MCPH1: variants seen among roughly 807,000 people sequenced by gnomAD.
MCPH1 encodes microcephalin.
A neutral mutation model predicts 84.5 loss-of-function variants in MCPH1; 104 were observed. The ratio of observed to expected loss-of-function variants is 1.23; its 90% CI spans 1.05 to 1.45. The LOEUF is 1.45. MCPH1 is among the 40% of genes most tolerant of loss of function. The pLI, the probability that MCPH1 is intolerant of heterozygous loss-of-function variation, is 0.00. For missense variants in MCPH1, 1,498 were observed against 1,005.7 expected, an observed-to-expected ratio of 1.49 and a Z score of -6.62; for synonymous variants, 514 against 366.8, an observed-to-expected ratio of 1.40 and a Z score of -4.58.
intron 9 of MCPH1, chr8:6,473,912 T>G: frequency 6.5e-7 from 1 of 1,548,202 alleles, no homozygotes; most frequent in Non-Finnish European, 8.7e-7. Context: ...TTCTAGCTCT[T>G]CTGGTTTATT....
chr8:6,415,399 T>A (rs1029463427), intron 3 of MCPH1, among the ~76,000 whole-genome samples: 1 of 151,940 alleles, frequency 6.6e-6, no homozygotes, highest in Admixed American at 6.6e-5. Flanking sequence ...GTGATTCTTA[T>A]GCCTCAGCCT....
intron 12 of MCPH1, among the ~76,000 whole-genome samples, chr8:6,552,555 GA>G (rs1186006244): frequency 6.6e-6 from 1 of 152,184 alleles, no homozygotes; most frequent in East Asian, 1.9e-4. Context: ...ACTAATGTGA[GA>G]TATAGTATAG....
intron 2 of MCPH1, among the ~76,000 whole-genome samples, chr8:6,410,459 G>A (rs991262681): frequency 6.6e-6 from 1 of 152,154 alleles, no homozygotes; most frequent in East Asian, 1.9e-4. Context: ...TGAGCTATGA[G>A]GAAATGGAGA....
At chr8:6,474,611 A>ATTT (rs1214409263) in intron 9 of MCPH1, among the ~76,000 whole-genome samples, 1 of 152,224 alleles carries the variant, frequency 6.6e-6, no homozygotes, top group Non-Finnish European at 1.5e-5. Flanking sequence ...ACAAATTTAC[A>ATTT]TTTTTTCATA....
intron 12 of MCPH1, among the ~76,000 whole-genome samples, chr8:6,568,628 C>G (rs1049752674): frequency 1.3e-5 from 2 of 152,186 alleles, no homozygotes; most frequent in Non-Finnish European, 2.9e-5. Context: ...TTGAAAAAGC[C>G]CTGCCGAGCT....
chr8:6,504,256 TGCAGTGAGCC>T (rs1812802442), intron 12 of MCPH1, among the ~76,000 whole-genome samples: 1 of 139,390 alleles, frequency 7.2e-6, no homozygotes, highest in South Asian at 2.2e-4. Context: ...AGGCGGAGCT[TGCAGTGAGCC>T]GAGATCGCGC....
chr8:6,610,092 T>C lies in MCPH1; in HGVS notation c.2215-11362T>C, dbSNP rs550180805. Among the ~76,000 whole-genome samples the C allele has an allele frequency of 5.9e-5, 9 of 152,344 alleles. No individual in the cohort carries two copies. The East Asian group carries it at 1.7e-3, about 29-fold the overall frequency. On this transcript the variant is annotated intron_variant, in intron 12 of 13. Transcript: ENST00000344683. ...AGAGCCGTAAGGACCCTCTAAGTCA[T>C]GTTCGCTATTTTTACTGGCCTTGAG...
At chr8:6,536,974 A>G (rs1376076935) in intron 12 of MCPH1, among the ~76,000 whole-genome samples, 73 of 143,220 alleles carry the variant, frequency 5.1e-4, no homozygotes, top group East Asian at 1.2e-3. Flanking sequence ...TAGTACAAGA[A>G]AAAAAAAAAA....
chr8:6,526,843 A>G (rs966445047), intron 12 of MCPH1, among the ~76,000 whole-genome samples: 2 of 152,228 alleles, frequency 1.3e-5, no homozygotes, highest in Non-Finnish European at 2.9e-5. Context: ...TCCCAAGTGG[A>G]ACAGACATAT....
chr8:6,419,240 G>C (rs1585629311), intron 3 of MCPH1, among the ~76,000 whole-genome samples: 1 of 151,302 alleles, frequency 6.6e-6, no homozygotes, highest in Non-Finnish European at 1.5e-5. Flanking sequence ...GTTTTTTGAA[G>C]ACAGGGTCTT....
At chr8:6,486,011 T>C (rs1470116338) in intron 11 of MCPH1, among the ~76,000 whole-genome samples, 1 of 152,144 alleles carries the variant, frequency 6.6e-6, no homozygotes, top group Non-Finnish European at 1.5e-5. Flanking sequence ...CTGCTGCTTC[T>C]TGCATGGCCC....
chr8:6,459,586 A>G (rs57947602), intron 9 of MCPH1, among the ~76,000 whole-genome samples: 1,828 of 152,332 alleles, frequency 0.012, 40 homozygotes, highest in African/African-American at 0.042. Context: ...GACTGAAGCA[A>G]TGCCTCTACT....
intron 12 of MCPH1, chr8:6,501,462 C>T (rs574409159): frequency 6.6e-6 from 1 of 151,650 alleles, no homozygotes; most frequent in South Asian, 2.1e-4. Context: ...ATTAATTGTA[C>T]TATGAAAATT....
chr8:6,480,279 CACGCCTGGCTAATTTTTGT>C (rs1305000510), intron 10 of MCPH1, among the ~76,000 whole-genome samples: 10 of 152,162 alleles, frequency 6.6e-5, no homozygotes, highest in Non-Finnish European at 1.2e-4. Context: ...CGCGTGCCAC[CACGCCTGGCTAATTTTTGT>C]AGTTTTTAGT....
intron 12 of MCPH1, among the ~76,000 whole-genome samples, chr8:6,532,757 G>A (rs114206264): frequency 6.6e-6 from 1 of 152,248 alleles, no homozygotes; most frequent in East Asian, 1.9e-4. Context: ...TCTTCTAGAA[G>A]TCCATGTCAT....
intron 9 of MCPH1, among the ~76,000 whole-genome samples, chr8:6,457,488 C>T (rs113410793): frequency 0.011 from 1,712 of 151,776 alleles, 45 homozygotes; most frequent in African/African-American, 0.04. Context: ...ACCTGTAATC[C>T]CAGCTGCTCA....
At chr8:6,494,367 G>C (rs1044806819) in intron 11 of MCPH1, 3 of 152,090 alleles carry the variant, frequency 2.0e-5, no homozygotes, top group Non-Finnish European at 4.4e-5. Flanking sequence ...CCTTGATATG[G>C]GCATTCTCTG....
At chr8:6,609,704 G>A (rs1830086970) in intron 12 of MCPH1, among the ~76,000 whole-genome samples, 1 of 152,192 alleles carries the variant, frequency 6.6e-6, no homozygotes, top group African/African-American at 2.4e-5. Context: ...ATTTGAGGAG[G>A]ATGTCCCGGG....
chr8:6,626,249 G>A, intron 13 of MCPH1: 5 of 985,304 alleles, frequency 5.1e-6, no homozygotes, highest in Non-Finnish European at 6.0e-6. Context: ...ACTCAACAGG[G>A]CTCAGTATAC....
Sources: gnomAD v4.1 joint callset for allele counts (sites outside exome capture counted in the v4.1 genomes callset) on GRCh38, gnomAD v4.1.1 for gene constraint, MANE v1.5 for transcripts, NCBI Gene and HGNC (gene_info 2026-07-23, HGNC 2026-07-21) for gene names.